The following MAPK10 variants were observed in gnomAD, a reference collection of about 807,000 sequenced individuals.
MAPK10 encodes mitogen-activated protein kinase 10, also known as JNK3 alpha protein kinase.
A neutral mutation model predicts 59.3 loss-of-function variants in MAPK10; 25 were observed. That is an observed-to-expected ratio of 0.42 (90% CI 0.31 to 0.59). The LOEUF (loss-of-function observed/expected upper bound fraction) is 0.59, where lower values mean the gene tolerates loss of function less well. MAPK10 is among the 20% of genes least tolerant of loss of function. The pLI is 0.15. For synonymous variants in MAPK10, 190 were observed against 200.5 expected, an observed-to-expected ratio of 0.95 and a Z score of 0.44; for missense variants, 351 against 568.9, an observed-to-expected ratio of 0.62 and a Z score of 3.90.
intron 1 of MAPK10, among the ~76,000 whole-genome samples, chr4:86,505,657 G>C (rs528686547): frequency 6.6e-6 from 1 of 152,234 alleles, no homozygotes; most frequent in South Asian, 2.1e-4. Flanking sequence ...GAGAGCCTCA[G>C]ATATTTCTTT....
intron 1 of MAPK10, among the ~76,000 whole-genome samples, chr4:86,582,476 G>C (rs990757667): frequency 6.6e-6 from 1 of 152,140 alleles, no homozygotes; most frequent in South Asian, 2.1e-4. Flanking sequence ...AAAATTATAC[G>C]AACCTTATCT....
intron 1 of MAPK10, among the ~76,000 whole-genome samples, chr4:86,397,645 C>T (rs1163144939): frequency 6.6e-5 from 10 of 152,008 alleles, no homozygotes; most frequent in Non-Finnish European, 1.5e-4. Flanking sequence ...TGATTGACTC[C>T]ACCTACCATT....
chr4:86,121,505 T>G (rs2059243375), intron 4 of MAPK10, among the ~76,000 whole-genome samples: 1 of 152,206 alleles, frequency 6.6e-6, no homozygotes, highest in Non-Finnish European at 1.5e-5. Flanking sequence ...TGCAGATTAC[T>G]CTGAATCATA....
chr4:86,427,067 T>C lies in MAPK10; in HGVS notation c.-122+25963A>G, dbSNP rs184164660. On this transcript the variant is annotated intron_variant, in intron 1 of 13. Transcript: ENST00000361569. ...GGTCAAGAGATCGAGACCATCCTGGTTAACGCGGTGAAACCCGTCTCTACT... is the reference window on the plus strand; with the variant it reads ...GGTCAAGAGATCGAGACCATCCTGGCTAACGCGGTGAAACCCGTCTCTACT... 6.0e-3 allele frequency among the ~76,000 whole-genome samples: 917 copies of C among 151,736 alleles called. 7 individuals are homozygous for C. The highest frequency in any genetic ancestry group is 0.02 in the African/African-American group (819 of 41,402).
At chr4:86,343,884 T>A (rs144001936) in intron 2 of MAPK10, among the ~76,000 whole-genome samples, 5 of 73,488 alleles carry the variant, frequency 6.8e-5, no homozygotes, top group Admixed American at 1.5e-4. Context: ...GTAGTTTTCA[T>A]AAAAAGATAA....
intron 2 of MAPK10, among the ~76,000 whole-genome samples, chr4:86,351,460 G>A (rs916309145): frequency 2.2e-4 from 33 of 150,754 alleles, no homozygotes; most frequent in African/African-American, 3.7e-4. Context: ...CTACCTAGCC[G>A]ACAGGTATTA....
chr4:86,042,325 G>A (rs1319838826), intron 11 of MAPK10, among the ~76,000 whole-genome samples: 1 of 152,146 alleles, frequency 6.6e-6, no homozygotes, highest in East Asian at 1.9e-4. Context: ...ACCTGTCAGA[G>A]GGTTGGGGGC....
intron 11 of MAPK10, chr4:86,032,487 G>A (rs1253149040): frequency 3.3e-5 from 5 of 152,150 alleles, no homozygotes; most frequent in Non-Finnish European, 7.3e-5. Flanking sequence ...AAAAGCAATA[G>A]TTTTTGTGAA....
chr4:86,144,057 T>C (rs1337415371), intron 4 of MAPK10, among the ~76,000 whole-genome samples: 6 of 152,146 alleles, frequency 3.9e-5, no homozygotes, highest in Non-Finnish European at 8.8e-5. Context: ...AGTATTCTTG[T>C]GAGAAGGTGC....
chr4:86,238,896 G>A (rs184789266), intron 2 of MAPK10, among the ~76,000 whole-genome samples: 10 of 152,264 alleles, frequency 6.6e-5, no homozygotes, highest in Admixed American at 1.3e-4. Flanking sequence ...GAATAGGAGC[G>A]GTGACACAGG....
chr4:86,260,164 A>G (rs934798837), intron 2 of MAPK10, among the ~76,000 whole-genome samples: 5 of 152,076 alleles, frequency 3.3e-5, no homozygotes. Flanking sequence ...CTAAAAATAA[A>G]GTATTTTACC....
chr4:86,567,781 G>C (rs998309489), intron 1 of MAPK10, among the ~76,000 whole-genome samples: 6 of 152,164 alleles, frequency 3.9e-5, no homozygotes, highest in African/African-American at 1.4e-4. Context: ...CAGTAAAGAA[G>C]TTTATGTCAA....
At chr4:86,201,588 T>A (rs1412542045) in intron 2 of MAPK10, among the ~76,000 whole-genome samples, 1 of 151,928 alleles carries the variant, frequency 6.6e-6, no homozygotes, top group East Asian at 1.9e-4. Context: ...CTATTCCAGA[T>A]AAAAGTCTTC....
intron 4 of MAPK10, among the ~76,000 whole-genome samples, chr4:86,158,641 CA>C (rs1300259360): frequency 2.0e-5 from 3 of 151,658 alleles, no homozygotes. Context: ...TGTGACATTA[CA>C]AATTAAAACT....
rs1741867513 is a variant in MAPK10, at chr4:86,013,074, A to G, written c.*4154T>C. 1 of 152,202 alleles carries G rather than the reference A, an allele frequency of 6.6e-6. No individual in the cohort carries two copies. The highest frequency in any genetic ancestry group is 1.5e-5 in the Non-Finnish European group (1 of 68,044). The allele number at this position is 152,202 out of a possible 1,614,324, so 9.4% of individuals were successfully genotyped here. On this transcript the variant is annotated 3_prime_UTR_variant, in exon 14 of 14. Transcript: ENST00000641462. ...CCATTGGTCCCACATAAGTAAAGTT[A>G]CATATACAAGATTCTATATATAAAC...
intron 1 of MAPK10, among the ~76,000 whole-genome samples, chr4:86,359,263 C>CCTATCTCTCTCT (rs1736049812): frequency 1.9e-5 from 1 of 53,452 alleles, no homozygotes; most frequent in African/African-American, 5.9e-5. Flanking sequence ...TTTTTTTTTT[C>CCTATCTCTCTCT]CTCTCTCTCT....
chr4:86,556,991 G>A (rs908091580), intron 1 of MAPK10, among the ~76,000 whole-genome samples: 5 of 151,990 alleles, frequency 3.3e-5, no homozygotes, highest in African/African-American at 1.2e-4. Context: ...CTGGGACAGA[G>A]CCATTTTAAA....
intron 2 of MAPK10, among the ~76,000 whole-genome samples, chr4:86,253,569 G>A (rs1240235947): frequency 3.0e-5 from 1 of 32,994 alleles, no homozygotes. Flanking sequence ...TGCTGGATTC[G>A]GTTTGCCAGT....
chr4:86,351,696 A>G (rs933148956), intron 2 of MAPK10, among the ~76,000 whole-genome samples: 9 of 151,922 alleles, frequency 5.9e-5, no homozygotes, highest in African/African-American at 2.2e-4. Flanking sequence ...TTGGGCTTGA[A>G]TGCTAAGTCC....
Sources: allele counts gnomAD v4.1 joint callset (sites outside exome capture counted in the v4.1 genomes callset), GRCh38; gene constraint gnomAD v4.1.1; transcripts MANE v1.5; gene names NCBI Gene and HGNC (gene_info 2026-07-23, HGNC 2026-07-21).